The following USP32 variants were observed in gnomAD, a reference collection of about 807,000 sequenced individuals.
USP32 encodes the protein ubiquitin carboxyl-terminal hydrolase 32.
USP32 carries 59 observed loss-of-function variants against 204.8 expected under a neutral mutation model. The ratio of observed to expected loss-of-function variants is 0.29; its 90% CI spans 0.23 to 0.36. The LOEUF is 0.36. USP32 is among the 10% of genes least tolerant of loss of function. The pLI is 1.00. For synonymous variants in USP32, 517 were observed against 678.4 expected (o/e 0.76, Z 3.70); for missense variants, 1,160 against 1,946.4 (o/e 0.60, Z 7.60).
chr17:60,181,922 C>T (rs2084122613), intron 31 of USP32, among the ~76,000 whole-genome samples, 174 bp from the exon 32 acceptor site: 1 of 152,154 alleles, frequency 6.6e-6, no homozygotes, highest in Admixed American at 6.5e-5. Context: ...ACATTTTTGT[C>T]TTCTTCAATG....
intron 27 of USP32, among the ~76,000 whole-genome samples, chr17:60,196,998 T>C: frequency 6.6e-6 from 1 of 151,594 alleles, no homozygotes. Flanking sequence ...CTGGCCAACA[T>C]GGTGAAACCC....
chr17:60,271,751 AAATTAAGCT>A (rs1202282592), intron 5 of USP32, among the ~76,000 whole-genome samples: 1 of 152,100 alleles, frequency 6.6e-6, no homozygotes, highest in Non-Finnish European at 1.5e-5. Context: ...TTTAAAATAA[AAATTAAGCT>A]ATTTCTTTTG....
chr17:60,284,825 C>T (rs1166673567), intron 5 of USP32, among the ~76,000 whole-genome samples: 1 of 152,132 alleles, frequency 6.6e-6, no homozygotes, highest in African/African-American at 2.4e-5. Context: ...CTATCCTAGA[C>T]CAGTTTTAGA....
intron 27 of USP32, among the ~76,000 whole-genome samples, chr17:60,196,637 C>T (rs1372675920): frequency 1.2e-4 from 18 of 152,030 alleles, no homozygotes; most frequent in Admixed American, 8.5e-4. Context: ...CCAGCCTGGC[C>T]GACATGGTGA....
rs2085184921 is a variant in USP32 at position 60,219,474 on chromosome 17, T to C, written c.1867+196A>G. On this transcript the variant is annotated intron_variant, in intron 16 of 33. Coordinates refer to ENST00000300896, the MANE Select transcript of USP32 (RefSeq NM_032582.4). ...TGCATGACCATAGTTCTAAGCCCTG[T>C]AAAAATTAATTACTGAGTCTGTAGG... The C allele has an allele frequency of 1.5e-5, 12 of 783,438 alleles. No individual in the cohort carries two copies. In the East Asian group the frequency reaches 3.5e-4, roughly 23 times the overall value. 48.5% of individuals were successfully genotyped at this position (783,438 alleles called of 1,614,324 possible). A position where few individuals can be genotyped will look rare whatever the true frequency, so the allele number is the denominator to read the frequency against.
At chr17:60,202,634 T>C in intron 26 of USP32, among the ~76,000 whole-genome samples, 1 of 152,292 alleles carries the variant, frequency 6.6e-6, no homozygotes, top group Non-Finnish European at 1.5e-5. Context: ...ATATTTTATT[T>C]TCTATATAGA....
intron 1 of USP32, among the ~76,000 whole-genome samples, chr17:60,352,997 A>T (rs2088986274): frequency 1.3e-5 from 2 of 152,250 alleles, no homozygotes. Flanking sequence ...AGTCTAGGGG[A>T]GAATTTGAAT....
At chr17:60,212,959 T>C (rs146398372) in intron 18 of USP32, among the ~76,000 whole-genome samples, 1 of 152,000 alleles carries the variant, frequency 6.6e-6, no homozygotes, top group African/African-American at 2.4e-5. Context: ...CACCATGTTG[T>C]CCAGGCTGGT....
At chr17:60,372,531 T>C (rs924102226) in intron 1 of USP32, among the ~76,000 whole-genome samples, 4 of 149,276 alleles carry the variant, frequency 2.7e-5, no homozygotes, top group Admixed American at 6.7e-5. Flanking sequence ...AGTAAAAATA[T>C]AGCCTTAAAG....
chr17:60,399,751 T>C (rs1373028651), intron 1 of USP32, among the ~76,000 whole-genome samples: 1 of 151,840 alleles, frequency 6.6e-6, no homozygotes, highest in Non-Finnish European at 1.5e-5. Context: ...TAAGCCAAAA[T>C]TGGAAGGAGA....
intron 3 of USP32, among the ~76,000 whole-genome samples, chr17:60,295,260 G>A (rs2087398833): frequency 6.6e-6 from 1 of 151,460 alleles, no homozygotes; most frequent in African/African-American, 2.4e-5. Flanking sequence ...AAAGATAAAT[G>A]TCTGTCAACA....
chr17:60,231,462 T>C, intron 12 of USP32: 1 of 448,370 alleles, frequency 2.2e-6, no homozygotes, highest in Non-Finnish European at 4.6e-6. Flanking sequence ...GAGGCTTCAT[T>C]TGTAAATTCA....
intron 1 of USP32, among the ~76,000 whole-genome samples, chr17:60,399,215 T>A (rs527548525): frequency 6.6e-6 from 1 of 152,228 alleles, no homozygotes; most frequent in African/African-American, 2.4e-5. Flanking sequence ...GATACAGAAT[T>A]GAGCAAAGTA....
In USP32 at chr17:60,183,155, C is replaced by A; in HGVS notation, c.4123+10G>T. 6.2e-7 allele frequency: 1 copy of A among 1,600,018 alleles called. No homozygotes were observed. The highest frequency in any genetic ancestry group is 8.5e-7 in the Non-Finnish European group (1 of 1,172,292). ...CAAGAAAGCACCTGCATAAGGCCCC[C>A]AGGCCTCACCTTTCGGGCTGCTGAT... is the stretch of plus-strand genomic sequence containing the variant. On this transcript the variant is annotated intron_variant, in intron 31 of 33. Coordinates refer to ENST00000300896, the MANE Select transcript of USP32 (RefSeq NM_032582.4).
intron 2 of USP32, among the ~76,000 whole-genome samples, chr17:60,341,783 A>G (rs1303897512): frequency 6.6e-6 from 1 of 152,024 alleles, no homozygotes; most frequent in Non-Finnish European, 1.5e-5. Flanking sequence ...TACACTGTTT[A>G]TTCTAGTTAG....
intron 24 of USP32, 127 bp from the exon 25 acceptor site, chr17:60,207,259 T>C (rs561710399): frequency 1.4e-6 from 2 of 1,401,816 alleles, no homozygotes; most frequent in African/African-American, 1.5e-5. Flanking sequence ...GATGATTGAA[T>C]AATTTTTCAA....
chr17:60,396,434 A>G (rs760567277), upstream of USP32, among the ~76,000 whole-genome samples: 1 of 152,170 alleles, frequency 6.6e-6, no homozygotes, highest in Non-Finnish European at 1.5e-5. Context: ...ACAAGTATAT[A>G]ATGTAAAAGA....
At chr17:60,275,811 T>C (rs2086825606) in intron 5 of USP32, among the ~76,000 whole-genome samples, 1 of 151,958 alleles carries the variant, frequency 6.6e-6, no homozygotes, top group Admixed American at 6.6e-5. Flanking sequence ...TCCTAGGTTC[T>C]AGCGATTCTC....
In USP32 at chr17:60,268,616, T is replaced by G. The variant is rs549268710; in HGVS notation, c.811+834A>C. Among the ~76,000 whole-genome samples the G allele has an allele frequency of 1.3e-4, 19 of 150,718 alleles. No homozygotes were observed. In the East Asian group the frequency reaches 3.7e-3, roughly 29 times the overall value. ...AAAAAAAAAAAAAAAGATTTTAGCT[T>G]CCTCATCTAAGAGCAAATTGTAATG... On this transcript the variant is annotated intron_variant, in intron 7 of 33. Transcript: ENST00000300896.
Sources: allele counts gnomAD v4.1 joint callset (sites outside exome capture counted in the v4.1 genomes callset), GRCh38; gene constraint gnomAD v4.1.1; transcripts MANE v1.5; gene names NCBI Gene and HGNC (gene_info 2026-07-23, HGNC 2026-07-21).